Variants in TRIM67 observed in about 807,000 individuals in gnomAD.
The protein encoded by TRIM67 is tripartite motif containing 67, also known as tripartite motif-containing protein 67.
A neutral mutation model predicts 71.0 loss-of-function variants in TRIM67; 39 were observed. The ratio of observed to expected loss-of-function variants is 0.55; its 90% CI spans 0.43 to 0.72. TRIM67 has a LOEUF of 0.72. TRIM67 is among the 30% of genes least tolerant of loss of function. The pLI, the probability that TRIM67 is intolerant of heterozygous loss-of-function variation, is 0.00. For missense variants in TRIM67, 973 were observed against 1,079.2 expected, an observed-to-expected ratio of 0.90 and a Z score of 1.38; for synonymous variants, 481 against 473.9, an observed-to-expected ratio of 1.01 and a Z score of -0.19.
chr1:231,211,759 C>T (rs527840318), intron 8 of TRIM67, among the ~76,000 whole-genome samples: 17 of 152,272 alleles, frequency 1.1e-4, no homozygotes, highest in African/African-American at 4.1e-4. Context: ...AGCAGAGTGG[C>T]GCTGCTAAGG....
At position 231,209,209 on chromosome 1, in the gene TRIM67, C is replaced by T. The variant is rs759711663; in HGVS notation, c.2082C>T (p.Asn694=). 103 of 1,589,364 alleles carry T rather than the reference C, an allele frequency of 6.5e-5. No individual in the cohort carries two copies. Among genetic ancestry groups the T allele is most frequent in the Non-Finnish European group, 8.2e-5 (96 of 1,163,836 alleles). Reference sequence around the variant, plus strand: ...AGGCCTGGGCCATGTATGTGGACAACAACCGCAGCTGGTTCATGCACTGCA... The same window carrying T: ...AGGCCTGGGCCATGTATGTGGACAATAACCGCAGCTGGTTCATGCACTGCA... ...DDKAWAMYVD[N]NRSWFMHCNS... is the part of the protein sequence containing the mutation. The change falls in exon 8 of 10, where the codon AAC becomes AAT. Residue 694 remains asparagine (N), a synonymous_variant. Transcript: ENST00000366653. The surrounding 1 kb of genome is among the most constrained non-coding windows in gnomAD (Gnocchi z 4.1).
In TRIM67 at chr1:231,220,572, AAG is replaced by A. The variant is rs1684118074; in HGVS notation, c.*5136_*5137del. 6.6e-6 allele frequency: 1 copy of A among 152,294 alleles called. No individual in the cohort carries two copies. Among genetic ancestry groups the A allele is most frequent in the Non-Finnish European group, 1.5e-5 (1 of 68,122 alleles). 9.4% of individuals were successfully genotyped at this position (152,294 alleles called of 1,614,324 possible). ...TTTGAAATCCAGTGTGGATAGCACG[AAG>A]AGATGCAACTGAGCCGAAGTTTTGA... On this transcript the variant is annotated 3_prime_UTR_variant, in exon 10 of 10. Transcript: ENST00000366653.
intron 1 of TRIM67, among the ~76,000 whole-genome samples, chr1:231,192,647 T>C (rs1683264834): frequency 6.6e-6 from 1 of 152,236 alleles, no homozygotes; most frequent in South Asian, 2.1e-4. Context: ...GACCAGTGTG[T>C]GCTTATGAGG....
intron 1 of TRIM67, among the ~76,000 whole-genome samples, chr1:231,169,702 G>A (rs902146446): frequency 2.0e-5 from 3 of 151,998 alleles, no homozygotes; most frequent in Non-Finnish European, 2.9e-5. Flanking sequence ...TTGAGAAGTT[G>A]AATCTTTTAC....
At chr1:231,168,064 C>T (rs1397617886) in intron 1 of TRIM67, among the ~76,000 whole-genome samples, 2 of 152,088 alleles carry the variant, frequency 1.3e-5, no homozygotes, top group East Asian at 1.9e-4. Flanking sequence ...TGGGCTCAAA[C>T]GATCCTCCCA....
intron 8 of TRIM67, among the ~76,000 whole-genome samples, chr1:231,210,440 G>A (rs4658872): frequency 0.25 from 37,500 of 151,312 alleles, 5,082 homozygotes; most frequent in Admixed American, 0.35. Context: ...CTCTTTGCTT[G>A]TAGGCAGGGC....
chr1:231,213,647 C>T (rs543647300), intron 8 of TRIM67, among the ~76,000 whole-genome samples, 168 bp from the exon 9 acceptor site: 7 of 152,202 alleles, frequency 4.6e-5, no homozygotes. Context: ...GGGAGGATCT[C>T]CTGAGCCTGG....
intron 8 of TRIM67, among the ~76,000 whole-genome samples, chr1:231,213,055 A>G (rs921718085): frequency 6.6e-6 from 1 of 152,124 alleles, no homozygotes; most frequent in African/African-American, 2.4e-5. Flanking sequence ...AATGTTGAGT[A>G]GGGGCCTTTC....
rs1684122370 is a variant in TRIM67 at position 231,220,785 on chromosome 1, C to T, written c.*5345C>T. On this transcript the variant is annotated 3_prime_UTR_variant, in exon 10 of 10. Transcript: ENST00000366653. ...AGGGAAGTCTCGTCCGGATCCATCGCTCTTCTCTCAAGGAGCACAGTCCTG... is the reference window on the plus strand; with the variant it reads ...AGGGAAGTCTCGTCCGGATCCATCGTTCTTCTCTCAAGGAGCACAGTCCTG... The T allele has an allele frequency of 6.6e-6, 1 of 152,300 alleles. No individual in the cohort carries two copies. Among genetic ancestry groups the T allele is most frequent in the Non-Finnish European group, 1.5e-5 (1 of 68,102 alleles). The allele number at this position is 152,300 out of a possible 1,614,324, so 9.4% of individuals were successfully genotyped here. A position where few individuals can be genotyped will look rare whatever the true frequency, so the allele number is the denominator to read the frequency against.
intron 1 of TRIM67, chr1:231,185,133 A>G (rs775381526): frequency 1.4e-5 from 22 of 1,532,882 alleles, no homozygotes; most frequent in East Asian, 2.4e-5. Flanking sequence ...TGCTGGCTCA[A>G]TGGGAAGTGT....
At position 231,219,047 on chromosome 1, in the gene TRIM67, A is replaced by C; in HGVS notation, c.*3607A>C. Reference sequence around the variant, plus strand: ...TTCGGCACCGGTGGGCAGGTGGTTCAGTGTCAAGGAGGCTGCTGCTGGTCC... The same window carrying C: ...TTCGGCACCGGTGGGCAGGTGGTTCCGTGTCAAGGAGGCTGCTGCTGGTCC... On this transcript the variant is annotated 3_prime_UTR_variant, in exon 10 of 10. Transcript: ENST00000366653. 1 of 985,428 alleles carries C rather than the reference A, an allele frequency of 1.0e-6. No homozygotes were observed. Among genetic ancestry groups the C allele is most frequent in the Non-Finnish European group, 1.2e-6 (1 of 829,972 alleles). 61.0% of individuals were successfully genotyped at this position (985,428 alleles called of 1,614,324 possible).
At position 231,163,403 on chromosome 1, in the gene TRIM67, C is replaced by T; in HGVS notation, c.434C>T (p.Ala145Val). Residue 145 changes from alanine (A) to valine (V), a missense_variant, in exon 1 of 10, where the codon GCC becomes GTC. By Grantham distance (64) the Ala-to-Val change is moderately conservative (BLOSUM62 0). Around this residue, in one of 2 missense-constraint regions of TRIM67, gnomAD observed 795 missense variants for 831.3 expected, o/e 0.96. Coordinates refer to ENST00000366653, the MANE Select transcript of TRIM67 (RefSeq NM_001004342.5). ...TCCTCGGCTGCGGCGGCTCGGGGTG[C>T]CGCCTGCTCCTCGCTGTCCTCGTCT... ...PGSSAAAARGAACSSLSSSSS... is the reference protein window; with the variant it reads ...PGSSAAAARGVACSSLSSSSS... 6.5e-7 allele frequency: 1 copy of T among 1,536,256 alleles called. No individual in the cohort carries two copies. Among genetic ancestry groups the T allele is most frequent in the Non-Finnish European group, 8.7e-7 (1 of 1,143,764 alleles).
At chr1:231,193,708 G>C (rs960413828) in intron 1 of TRIM67, among the ~76,000 whole-genome samples, 14 of 152,142 alleles carry the variant, frequency 9.2e-5, no homozygotes, top group African/African-American at 1.4e-4. Flanking sequence ...TCTGCTTCTG[G>C]TGAGGGCCTC....
chr1:231,211,593 C>A (rs1231593623), intron 8 of TRIM67, among the ~76,000 whole-genome samples: 1 of 152,214 alleles, frequency 6.6e-6, no homozygotes, highest in Admixed American at 6.5e-5. Context: ...TCGGGGGAAA[C>A]CCTGCCTTCT....
At position 231,206,700 on chromosome 1, in the gene TRIM67, T is replaced by G; in HGVS notation, c.1729T>G (p.Phe577Val). Reference sequence around the variant, plus strand: ...TTTGTGTACCATCGACGGTCTTCACTTCAACAGCACCTACAACGCCCGAGT... The same window carrying G: ...TTTGTGTACCATCGACGGTCTTCACGTCAACAGCACCTACAACGCCCGAGT... Reference protein sequence around the residue: ...ETLCTIDGLHFNSTYNARVKA... With the variant: ...ETLCTIDGLHVNSTYNARVKA... Residue 577 changes from phenylalanine (F) to valine (V), a missense_variant, in exon 7 of 10, where the codon TTC becomes GTC. Around this residue, in one of 2 missense-constraint regions of TRIM67, gnomAD observed 795 missense variants for 831.3 expected, o/e 0.96. Transcript: ENST00000366653. The G allele has an allele frequency of 6.2e-7, 1 of 1,611,904 alleles. No individual in the cohort carries two copies. Among genetic ancestry groups the G allele is most frequent in the Non-Finnish European group, 8.5e-7 (1 of 1,179,084 alleles).
At position 231,166,404 on chromosome 1, in the gene TRIM67, T is replaced by G. The variant is rs144563832; in HGVS notation, c.1044+2391T>G. 7.9e-5 allele frequency among the ~76,000 whole-genome samples: 12 copies of G among 152,362 alleles called. No homozygotes were observed. In the East Asian group the frequency reaches 2.3e-3, roughly 29 times the overall value. On this transcript the variant is annotated intron_variant, in intron 1 of 9. Transcript: ENST00000366653. ...TGGGAGAGCCTTGGTCAAACACTGT[T>G]GGTCTTGCTTTGTGGCTGGGCATCT... is the stretch of plus-strand genomic sequence containing the variant.
In TRIM67 at chr1:231,219,474, C is replaced by G; in HGVS notation, c.*4034C>G. 9.5e-7 allele frequency: 1 copy of G among 1,051,736 alleles called. No individual in the cohort carries two copies. Among genetic ancestry groups the G allele is most frequent in the Non-Finnish European group, 1.1e-6 (1 of 870,804 alleles). 65.2% of individuals were successfully genotyped at this position (1,051,736 alleles called of 1,614,324 possible). A position where few individuals can be genotyped will look rare whatever the true frequency, so the allele number is the denominator to read the frequency against. On this transcript the variant is annotated 3_prime_UTR_variant, in exon 10 of 10. Transcript: ENST00000366653. ...AAGCTGCCAGCCTTTATCTTGATAC[C>G]CAAGCCCAGGATTTTCCATGTGTCT...
At chr1:231,185,942 C>A (rs182391487) in intron 1 of TRIM67, 2 of 688,926 alleles carry the variant, frequency 2.9e-6, no homozygotes, top group South Asian at 3.6e-5. Flanking sequence ...GTGTGATAAA[C>A]GGCCGTGACA....
rs552939253 is a variant in TRIM67, at chr1:231,179,177, GGGACCAGGAA to G, written c.1044+15170_1044+15179del. Among the ~76,000 whole-genome samples, 13 of 152,336 alleles carry G rather than the reference GGGACCAGGAA, an allele frequency of 8.5e-5. No individual in the cohort carries two copies. The East Asian group carries it at 1.9e-3, about 23-fold the overall frequency. On this transcript the variant is annotated intron_variant, in intron 1 of 9. Transcript: ENST00000366653. ...TCGGCAGGGCGGTGTTCCCTCTGAA[GGGACCAGGAA>G]GGACCTGCCCCAGGGCCCTGTCCCA... is the stretch of plus-strand genomic sequence containing the variant.
Sources: gnomAD v4.1 joint callset for allele counts (sites outside exome capture counted in the v4.1 genomes callset) on GRCh38, gnomAD v4.1.1 for gene constraint, gnomAD v4.1.1 regional missense constraint, Gnocchi (gnomAD v3.1) non-coding constraint, MANE v1.5 for transcripts, NCBI Gene and HGNC (gene_info 2026-07-23, HGNC 2026-07-21) for gene names.